ERI2: variants seen among roughly 807,000 people sequenced by gnomAD.
The protein encoded by ERI2 is ERI1 exoribonuclease 2.
In ERI2, 35 loss-of-function variants were observed where a neutral mutation model predicts 46.8. The observed-to-expected ratio is 0.75, with a 90% confidence interval of 0.57 to 0.99. The LOEUF (loss-of-function observed/expected upper bound fraction) is 0.99. ERI2 is among the 50% of genes least tolerant of loss of function. The probability of loss-of-function intolerance (pLI) is 0.00; values close to 1 mark genes in which losing one functional copy is unlikely to be tolerated. For missense variants in ERI2, 695 were observed against 796.2 expected, an observed-to-expected ratio of 0.87 and a Z score of 1.53; for synonymous variants, 224 against 271.0, an observed-to-expected ratio of 0.83 and a Z score of 1.70.
In ERI2 at chr16:20,790,894, A is replaced by G. The variant is rs372613008; in HGVS notation, c.771T>C (p.Asp257=). Residue 257 remains aspartate, a synonymous_variant, in exon 9 of 11, where the codon GAT becomes GAC. Coordinates refer to the ERI2 transcript ENST00000300005. This position sits in a 1 kb window ranked among gnomAD's most constrained non-coding sequence, Gnocchi z 4.0. ...AAGCATGCTGGTCCCCTGAGGCCAGATCACTGTTCCAGGTCCACGAAGGCA... is the reference window on the plus strand; with the variant it reads ...AAGCATGCTGGTCCCCTGAGGCCAGGTCACTGTTCCAGGTCCACGAAGGCA... The G allele has an allele frequency of 1.9e-6, 3 of 1,614,006 alleles. No individual in the cohort carries two copies. The highest frequency in any genetic ancestry group is 2.5e-6 in the Non-Finnish European group (3 of 1,179,992).
exon 10 of ERI2, chr16:20,789,503 C>T: frequency 6.2e-7 from 1 of 1,613,680 alleles, no homozygotes; most frequent in Non-Finnish European, 8.5e-7. Flanking sequence ...GAATATTCCC[C>T]TTTTCCTGTT....
exon 11 of ERI2, chr16:20,780,316 A>C (rs1567353169): frequency 3.1e-6 from 1 of 321,062 alleles, no homozygotes; most frequent in African/African-American, 2.1e-5. Context: ...TAACATACTC[A>C]TTTTTAAAAA....
At chr16:20,783,801 TC>T (rs1754887651) in intron 10 of ERI2, among the ~76,000 whole-genome samples, 1 of 118,142 alleles carries the variant, frequency 8.5e-6, no homozygotes, top group African/African-American at 3.1e-5. Flanking sequence ...ACATGTGTTC[TC>T]CCCGTCTCAA....
At position 20,798,283 on chromosome 16, in the gene ERI2, G is replaced by C; in HGVS notation, c.1517C>G (p.Ser506Ter). ...GGCATTAACTCTGTTGAAGGTACTT[G>C]ATTTGTGTTCAGGTAACTTAAAGGC... ...ISAFKLPEHK[S>*]STFNRVNANM... The change falls in exon 9 of 9, where the codon TCA becomes TGA. Residue 506 changes from serine (S) to a stop codon, truncating the protein, a stop_gained. Transcript: ENST00000357967. LOFTEE classifies it high-confidence loss of function. 1 of 1,551,554 alleles carries C rather than the reference G, an allele frequency of 6.4e-7. No homozygotes were observed.
intron 10 of ERI2, among the ~76,000 whole-genome samples, chr16:20,789,000 T>C (rs1165003131): frequency 1.3e-5 from 2 of 152,222 alleles, no homozygotes; most frequent in Non-Finnish European, 1.5e-5. Flanking sequence ...TTATTCTCCA[T>C]GCAGGCCACA....
At position 20,797,270 on chromosome 16, in the gene ERI2, T is replaced by C. The variant is rs2080740789; in HGVS notation, c.*454A>G. 9.4e-7 allele frequency: 1 copy of C among 1,062,710 alleles called. No individual in the cohort carries two copies. The highest frequency in any genetic ancestry group is 1.1e-6 in the Non-Finnish European group (1 of 883,248). 65.8% of individuals were successfully genotyped at this position (1,062,710 alleles called of 1,614,324 possible). On this transcript the variant is annotated 3_prime_UTR_variant, in exon 9 of 9. Transcript: ENST00000357967. ...GTTTCTGAACCAGATCTCTGCTACA[T>C]AGGTTTTCAAACTTTAGTTGACTAA... is the stretch of plus-strand genomic sequence containing the variant.
intron 9 of ERI2, chr16:20,789,684 CTT>C (rs561663756): frequency 0.047 from 20,061 of 431,258 alleles, no homozygotes; most frequent in Middle Eastern, 0.06. Context: ...CTCTATTTTT[CTT>C]TTTTTTTTTT....
chr16:20,800,233 A>G, intron 6 of ERI2, 69 bp downstream of exon 6: 1 of 1,086,798 alleles, frequency 9.2e-7, no homozygotes, highest in East Asian at 2.4e-5. Context: ...ACCCATGCCC[A>G]TGTGTAGGAT....
At chr16:20,792,153 A>G, downstream of ERI2, 2 of 1,614,100 alleles carry the variant, frequency 1.2e-6, no homozygotes, top group Non-Finnish European at 8.5e-7. Flanking sequence ...CCATATGTGC[A>G]TATGTCTGTG....
At chr16:20,785,203 T>C (rs1280331166) in intron 10 of ERI2, 7 of 1,506,466 alleles carry the variant, frequency 4.6e-6, no homozygotes, top group African/African-American at 2.8e-5. Flanking sequence ...ATTTGAGGGA[T>C]AGGAGTTGAG....
At chr16:20,803,761 T>C in intron 1 of ERI2, 91 bp from the exon 2 acceptor site, 1 of 1,446,514 alleles carries the variant, frequency 6.9e-7, no homozygotes, top group Non-Finnish European at 9.5e-7. Flanking sequence ...TGGGCAACAA[T>C]CTCATTATTT....
In ERI2 at chr16:20,796,939, T is replaced by A; in HGVS notation, c.*785A>T. The A allele has an allele frequency of 6.2e-7, 1 of 1,612,968 alleles. No homozygotes were observed. The highest frequency in any genetic ancestry group is 2.2e-5 in the East Asian group (1 of 44,742). ...CTATCAGTGGGAAGACAAAAAGAAA[T>A]GAACTGAGGAAGAAAGAATGGAAGA... is the stretch of plus-strand genomic sequence containing the variant. On this transcript the variant is annotated 3_prime_UTR_variant, in exon 9 of 9. Transcript: ENST00000357967.
In ERI2 at chr16:20,790,564, TA is replaced by T. The variant is rs1344447913; in HGVS notation, c.815+285del. ...GACATTAAACAAAAATTTCCTTAAATAAATTGTTCTATTTTATCCTAGATTG... is the reference window on the plus strand; with the variant it reads ...GACATTAAACAAAAATTTCCTTAAATAATTGTTCTATTTTATCCTAGATTG... On this transcript the variant is annotated intron_variant, in intron 9 of 10. Transcript: ENST00000300005. This position sits in a 1 kb window ranked among gnomAD's most constrained non-coding sequence, Gnocchi z 4.0. 4 of 1,589,568 alleles carry T rather than the reference TA, an allele frequency of 2.5e-6. No homozygotes were observed. Among genetic ancestry groups the T allele is most frequent in the Middle Eastern group, 1.7e-4 (1 of 5,974 alleles).
chr16:20,791,199 G>A lies in ERI2; in HGVS notation c.733-267C>T, dbSNP rs1327078486. On this transcript the variant is annotated intron_variant, in intron 8 of 10. Transcript: ENST00000300005. ...ATAATAAAAGATCCAGATGCTACTT[G>A]CCAGTGTATTTGATATAATGTAACA... 9.2e-5 allele frequency among the ~76,000 whole-genome samples: 14 copies of A among 152,168 alleles called. 1 individual carries two copies. Among genetic ancestry groups the A allele is most frequent in the Non-Finnish European group, 2.9e-5 (2 of 68,020 alleles).
chr16:20,799,543 G>A (rs1226492001), intron 7 of ERI2, 192 bp from the exon 8 acceptor site: 10 of 580,148 alleles, frequency 1.7e-5, no homozygotes, highest in Non-Finnish European at 3.0e-5. Flanking sequence ...CATTACCAGT[G>A]AAAGACAAGC....
At chr16:20,785,151 C>A in intron 10 of ERI2, 3 of 1,607,060 alleles carry the variant, frequency 1.9e-6, no homozygotes, top group South Asian at 2.2e-5. Flanking sequence ...TCCATTTAGT[C>A]AGATGAATAA....
intron 10 of ERI2, chr16:20,780,972 A>G: frequency 6.2e-7 from 1 of 1,614,042 alleles, no homozygotes; most frequent in Non-Finnish European, 8.5e-7. Flanking sequence ...TTGTTTTCCC[A>G]GGTTCTGGCT....
In ERI2 at chr16:20,796,457, A is replaced by G; in HGVS notation, c.*1267T>C. ...AAAGGAGATTCAGGAGCATGTTAAA[A>G]AAACTACAGCACCTTACAAATATCC... On this transcript the variant is annotated 3_prime_UTR_variant, in exon 9 of 9. Transcript: ENST00000357967. 1.2e-6 allele frequency: 2 copies of G among 1,613,870 alleles called. No individual in the cohort carries two copies. The highest frequency in any genetic ancestry group is 1.7e-6 in the Non-Finnish European group (2 of 1,179,952).
rs1021528824 is a variant in ERI2 at position 20,799,663 on chromosome 16, G to C, written c.643+294C>G. On this transcript the variant is annotated intron_variant, in intron 7 of 8. Coordinates refer to ENST00000357967, the MANE Select transcript of ERI2 (RefSeq NM_001142725.2). ...GTGAATAATCTAATAGTCTTGTTCA[G>C]TTTTTTCACTAGTCCATTCTATTAT... The C allele has an allele frequency of 3.2e-5, 15 of 462,416 alleles. No homozygotes were observed. The South Asian group carries it at 4.9e-4, about 15-fold the overall frequency. The allele number at this position is 462,416 out of a possible 1,614,324, so 28.6% of individuals were successfully genotyped here. A position where few individuals can be genotyped will look rare whatever the true frequency, so the allele number is the denominator to read the frequency against.
Sources: gnomAD v4.1 joint callset for allele counts (sites outside exome capture counted in the v4.1 genomes callset) on GRCh38, gnomAD v4.1.1 for gene constraint, Gnocchi (gnomAD v3.1) non-coding constraint, MANE v1.5 for transcripts, NCBI Gene and HGNC (gene_info 2026-07-23, HGNC 2026-07-21) for gene names.